OTUD7A: variants seen among roughly 807,000 people sequenced by gnomAD.
The protein encoded by OTUD7A is OTU domain-containing protein 7A.
Under a neutral mutation model 65.7 loss-of-function variants are expected in OTUD7A, and 12 were observed. That is an observed-to-expected ratio of 0.18 (90% CI 0.12 to 0.30). OTUD7A has a LOEUF of 0.30. OTUD7A is among the 10% of genes least tolerant of loss of function. The probability of loss-of-function intolerance (pLI) is 1.00; values close to 1 mark genes in which losing one functional copy is unlikely to be tolerated. For missense variants in OTUD7A, 1,148 were observed against 1,304.8 expected (o/e 0.88, Z 1.85); for synonymous variants, 641 against 586.3 (o/e 1.09, Z -1.35).
At chr15:31,628,228 C>A (rs191429292) in intron 3 of OTUD7A, among the ~76,000 whole-genome samples, 1 of 152,140 alleles carries the variant, frequency 6.6e-6, no homozygotes, top group Non-Finnish European at 1.5e-5. Context: ...GGTTTTAGGT[C>A]TAATGTTTAA....
intron 3 of OTUD7A, among the ~76,000 whole-genome samples, chr15:31,647,759 A>G (rs1201177045): frequency 6.6e-6 from 1 of 151,988 alleles, no homozygotes; most frequent in African/African-American, 2.4e-5. Context: ...CACTCTACTG[A>G]GGGACTCATA....
chr15:31,576,548 C>T (rs774514169), intron 3 of OTUD7A, among the ~76,000 whole-genome samples: 17 of 152,272 alleles, frequency 1.1e-4, no homozygotes, highest in Middle Eastern at 3.4e-3. Context: ...AACAAATGTA[C>T]GTCTTACACA....
intron 6 of OTUD7A, among the ~76,000 whole-genome samples, chr15:31,529,480 T>G (rs1279202958): frequency 6.6e-6 from 1 of 152,138 alleles, no homozygotes; most frequent in Non-Finnish European, 1.5e-5. Context: ...TGGCCGCCGC[T>G]GGGTGGGGGT....
At chr15:31,536,855 C>T (rs971417956) in intron 5 of OTUD7A, among the ~76,000 whole-genome samples, 2 of 151,886 alleles carry the variant, frequency 1.3e-5, no homozygotes, top group Non-Finnish European at 2.9e-5. Context: ...TGGTGAGGGA[C>T]GATGAAGAGA....
chr15:31,564,881 G>C (rs1448847261), intron 4 of OTUD7A, among the ~76,000 whole-genome samples: 1 of 152,126 alleles, frequency 6.6e-6, no homozygotes, highest in African/African-American at 2.4e-5. Flanking sequence ...CAGAAAGCCA[G>C]GGTAGCTGTT....
intron 10 of OTUD7A, among the ~76,000 whole-genome samples, chr15:31,488,972 G>C (rs2041279507): frequency 2.0e-5 from 3 of 152,186 alleles, no homozygotes; most frequent in Admixed American, 2.0e-4. Flanking sequence ...GCCTGGCTTT[G>C]CTGCAGCCTG....
intron 1 of OTUD7A, among the ~76,000 whole-genome samples, chr15:31,753,904 T>C (rs1360032591): frequency 3.3e-5 from 5 of 151,778 alleles, no homozygotes; most frequent in Admixed American, 2.6e-4. Context: ...CTGGATCAAG[T>C]GGTAGTTCTA....
At chr15:31,747,853 T>C (rs1374640635) in intron 1 of OTUD7A, among the ~76,000 whole-genome samples, 1 of 152,210 alleles carries the variant, frequency 6.6e-6, no homozygotes, top group Admixed American at 6.5e-5. Context: ...GCCTTTTTGA[T>C]GCAATGCACT....
chr15:31,680,083 A>G (rs142427834), intron 1 of OTUD7A, among the ~76,000 whole-genome samples: 15 of 152,146 alleles, frequency 9.9e-5, no homozygotes, highest in African/African-American at 3.6e-4. Flanking sequence ...AACCACCCTC[A>G]CCCAAGCCCT....
At chr15:31,561,263 T>C (rs1888679257) in intron 4 of OTUD7A, among the ~76,000 whole-genome samples, 1 of 152,180 alleles carries the variant, frequency 6.6e-6, no homozygotes, top group Admixed American at 6.5e-5. Flanking sequence ...CCCACGCTGG[T>C]TCAGGTCCTT....
At chr15:31,673,627 A>C (rs535514622) in intron 1 of OTUD7A, among the ~76,000 whole-genome samples, 4 of 152,362 alleles carry the variant, frequency 2.6e-5, no homozygotes, top group African/African-American at 9.6e-5. Context: ...ATGTGCCTGA[A>C]TCAGACCAAT....
chr15:31,654,168 T>C (rs1231338729), intron 3 of OTUD7A, among the ~76,000 whole-genome samples: 1 of 91,848 alleles, frequency 1.1e-5, no homozygotes, highest in African/African-American at 4.3e-5. Flanking sequence ...ATAATATAAA[T>C]AGCAGGAAGG....
intron 1 of OTUD7A, among the ~76,000 whole-genome samples, chr15:31,680,853 G>A (rs549766041): frequency 3.6e-3 from 552 of 151,890 alleles, no homozygotes; most frequent in Non-Finnish European, 5.4e-3. Context: ...GGGAAAGGCA[G>A]GGCTAGTTTT....
At chr15:31,865,671 C>G (rs1286140396) in intron 1 of OTUD7A, among the ~76,000 whole-genome samples, 4 of 152,194 alleles carry the variant, frequency 2.6e-5, no homozygotes, top group African/African-American at 4.8e-5. Context: ...GCACCACAGA[C>G]AGACGTCTGC....
chr15:31,628,216 A>T lies in OTUD7A; in HGVS notation c.151+26880T>A, dbSNP rs1425871115. On this transcript the variant is annotated intron_variant, in intron 3 of 12. Transcript: ENST00000307050. ...GCCTAGGTTTTCTTCTAGGGTTTTTATGGTTTTAGGTCTAATGTTTAAGTC... is the reference window on the plus strand; with the variant it reads ...GCCTAGGTTTTCTTCTAGGGTTTTTTTGGTTTTAGGTCTAATGTTTAAGTC... Among the ~76,000 whole-genome samples, 10 of 152,170 alleles carry T rather than the reference A, an allele frequency of 6.6e-5. No homozygotes were observed. The East Asian group carries it at 1.9e-3, about 29-fold the overall frequency.
intron 1 of OTUD7A, among the ~76,000 whole-genome samples, chr15:31,694,031 C>A (rs1318725517): frequency 6.6e-6 from 1 of 152,146 alleles, no homozygotes; most frequent in Non-Finnish European, 1.5e-5. Flanking sequence ...AAGATGAAGG[C>A]AGGACTACAG....
chr15:31,554,386 G>A (rs1459891027), intron 5 of OTUD7A, among the ~76,000 whole-genome samples: 2 of 152,184 alleles, frequency 1.3e-5, no homozygotes, highest in East Asian at 1.9e-4. Flanking sequence ...TTTGGCCGCC[G>A]TTACACATCT....
At chr15:31,646,039 T>C (rs2141267086) in intron 3 of OTUD7A, among the ~76,000 whole-genome samples, 1 of 152,330 alleles carries the variant, frequency 6.6e-6, no homozygotes, top group East Asian at 1.9e-4. Flanking sequence ...TAGTTTAAAT[T>C]GATTTCAGTT....
intron 1 of OTUD7A, among the ~76,000 whole-genome samples, chr15:31,759,059 G>A (rs1425265107): frequency 6.6e-6 from 1 of 152,074 alleles, no homozygotes; most frequent in African/African-American, 2.4e-5. Flanking sequence ...ATCTTAAAAT[G>A]CTCTAAGATT....
Sources: allele counts gnomAD v4.1 joint callset (sites outside exome capture counted in the v4.1 genomes callset), GRCh38; gene constraint gnomAD v4.1.1; transcripts MANE v1.5; gene names NCBI Gene and HGNC (gene_info 2026-07-23, HGNC 2026-07-21).